AKAP13: variants seen among roughly 807,000 people sequenced by gnomAD.
The protein encoded by AKAP13 is A-kinase anchoring protein 13.
A neutral mutation model predicts 264.5 loss-of-function variants in AKAP13; 80 were observed. That is an observed-to-expected ratio of 0.30 (90% confidence interval 0.25 to 0.36). The LOEUF is 0.36. Among genes scored for constraint, AKAP13 ranks in the 10% least tolerant of loss-of-function variants. AKAP13 has a pLI of 1.00. For missense variants in AKAP13, 3,712 were observed against 3,435.2 expected (o/e 1.08, Z -2.01); for synonymous variants, 1,380 against 1,250.2 (o/e 1.10, Z -2.19).
intron 5 of AKAP13, among the ~76,000 whole-genome samples, chr15:85,544,457 T>G (rs1045023707): frequency 4.5e-4 from 68 of 152,274 alleles, no homozygotes; most frequent in African/African-American, 1.6e-3. Flanking sequence ...GTGAATAAAA[T>G]TTGAGAGCAG....
At chr15:85,636,986 A>G (rs928574998) in intron 8 of AKAP13, among the ~76,000 whole-genome samples, 7 of 152,206 alleles carry the variant, frequency 4.6e-5, no homozygotes. Context: ...TGGTTTTTCA[A>G]GTGCTAAACC....
At position 85,578,969 on chromosome 15, in the gene AKAP13, A is replaced by G; in HGVS notation, c.901A>G (p.Met301Val). ...LKQMDSLMPLMMTAQDPSSAP... is the reference protein window; with the variant it reads ...LKQMDSLMPLVMTAQDPSSAP... ...GCAGATGGACAGTCTTATGCCCTTA[A>G]TGATGACAGCACAGGATCCTTCCAG... Residue 301 changes from methionine to valine, a missense_variant, in exon 7 of 37, where the codon ATG becomes GTG. Around this residue, in one of 3 missense-constraint regions of AKAP13, gnomAD observed 2,759 missense variants for 2,411.7 expected, o/e 1.14. Coordinates refer to ENST00000394518, the MANE Select transcript of AKAP13 (RefSeq NM_007200.5). 1 of 1,614,022 alleles carries G rather than the reference A, an allele frequency of 6.2e-7. No homozygotes were observed. Among genetic ancestry groups the G allele is most frequent in the Non-Finnish European group, 8.5e-7 (1 of 1,180,014 alleles).
Position 85,407,905 on chromosome 15 carries a change from C to A in AKAP13, c.-12+27107C>A, listed in dbSNP as rs554580512. ...CAGACAAGTTAGAGGAGGCCATTAC[C>A]ATAGTTTTGGACAGATTGTGAGGGC... On this transcript the variant is annotated intron_variant, in intron 1 of 36. Coordinates refer to ENST00000394518, the MANE Select transcript of AKAP13 (RefSeq NM_007200.5). Among the ~76,000 whole-genome samples, 102 of 151,690 alleles carry A rather than the reference C, an allele frequency of 6.7e-4. 4 individuals are homozygous for A. Among genetic ancestry groups the A allele is most frequent in the African/African-American group, 2.4e-3 (98 of 41,034 alleles).
At chr15:85,589,735 CTT>C (rs1387804012) in intron 8 of AKAP13, among the ~76,000 whole-genome samples, 4 of 144,162 alleles carry the variant, frequency 2.8e-5, no homozygotes, top group Non-Finnish European at 6.0e-5. Context: ...AAAGCCTACT[CTT>C]AATTTTTTTT....
chr15:85,727,592 C>T lies in AKAP13; in HGVS notation c.7087+129C>T. 3 of 900,010 alleles carry T rather than the reference C, an allele frequency of 3.3e-6. No homozygotes were observed. The highest frequency in any genetic ancestry group is 5.1e-6 in the Non-Finnish European group (3 of 582,684). 55.8% of individuals were successfully genotyped at this position (900,010 alleles called of 1,614,324 possible). A position where few individuals can be genotyped will look rare whatever the true frequency, so the allele number is the denominator to read the frequency against. ...TGCCCCAGCAGGCACTTGAAAGCAG[C>T]AAAATGAATAGCTGTTAACAAAAGA... On this transcript the variant is annotated intron_variant, in intron 29 of 36. Coordinates refer to ENST00000394518, the MANE Select transcript of AKAP13 (RefSeq NM_007200.5). This position sits in a 1 kb window ranked among gnomAD's most constrained non-coding sequence, Gnocchi z 5.3.
In AKAP13 at chr15:85,745,506, G is replaced by C. The variant is rs1028232002; in HGVS notation, c.*829G>C. Reference sequence around the variant, plus strand: ...ATGTTTACCCACATGTTTTGGCCATGGATAAAGTGAAGAGGCCTACTCACC... The same window carrying C: ...ATGTTTACCCACATGTTTTGGCCATCGATAAAGTGAAGAGGCCTACTCACC... On this transcript the variant is annotated 3_prime_UTR_variant, in exon 37 of 37. Transcript: ENST00000394518. 2.6e-5 allele frequency: 4 copies of C among 152,198 alleles called. No homozygotes were observed. The highest frequency in any genetic ancestry group is 2.6e-4 in the Admixed American group (4 of 15,282). The allele number at this position is 152,198 out of a possible 1,614,324, so 9.4% of individuals were successfully genotyped here. A position where few individuals can be genotyped will look rare whatever the true frequency, so the allele number is the denominator to read the frequency against.
At chr15:85,489,303 G>T (rs2075660153) in intron 2 of AKAP13, among the ~76,000 whole-genome samples, 1 of 152,182 alleles carries the variant, frequency 6.6e-6, no homozygotes, top group Non-Finnish European at 1.5e-5. Flanking sequence ...GTATATGTTT[G>T]TGTTTAATTG....
intron 6 of AKAP13, among the ~76,000 whole-genome samples, chr15:85,576,421 C>G (rs1167490482): frequency 6.6e-6 from 1 of 152,188 alleles, no homozygotes; most frequent in East Asian, 1.9e-4. Flanking sequence ...ATAATCCACT[C>G]AAGTCTTCAA....
At chr15:85,453,662 G>A (rs1425284109) in intron 1 of AKAP13, among the ~76,000 whole-genome samples, 1 of 152,018 alleles carries the variant, frequency 6.6e-6, no homozygotes, top group Admixed American at 6.5e-5. Context: ...TGCTGTGCTG[G>A]GGGTCCACTT....
chr15:85,742,415 G>T lies in AKAP13; in HGVS notation c.8058+920G>T, dbSNP rs145360071. Among the ~76,000 whole-genome samples, 15 of 152,344 alleles carry T rather than the reference G, an allele frequency of 9.8e-5. No individual in the cohort carries two copies. The East Asian group carries it at 2.9e-3, about 29-fold the overall frequency. ...TGAGACAGCAGGAAATGGCTCTCAG[G>T]CCAGAGTTGCTGGAAGAACCCATGT... is the stretch of plus-strand genomic sequence containing the variant. On this transcript the variant is annotated intron_variant, in intron 35 of 36. Transcript: ENST00000394518.
At chr15:85,707,654 G>C (rs535438486) in intron 17 of AKAP13, among the ~76,000 whole-genome samples, 7 of 152,260 alleles carry the variant, frequency 4.6e-5, no homozygotes, top group Non-Finnish European at 1.0e-4. Context: ...AAAAGTTCCA[G>C]ACTTACTAGT....
At chr15:85,715,470 A>G (rs2086877201) in intron 19 of AKAP13, among the ~76,000 whole-genome samples, 1 of 152,182 alleles carries the variant, frequency 6.6e-6, no homozygotes, top group Admixed American at 6.5e-5. Context: ...GGATCGAAGA[A>G]TATAGGCATT....
intron 8 of AKAP13, among the ~76,000 whole-genome samples, chr15:85,614,261 C>T (rs117843607): frequency 0.013 from 2,021 of 152,254 alleles, 12 homozygotes; most frequent in Non-Finnish European, 0.022. Flanking sequence ...TGAAGCACGA[C>T]GGCCATCTTT....
intron 5 of AKAP13, among the ~76,000 whole-genome samples, chr15:85,554,176 C>G (rs2078058781): frequency 6.6e-6 from 1 of 152,166 alleles, no homozygotes; most frequent in Non-Finnish European, 1.5e-5. Context: ...TTAAAAATGG[C>G]AAAGCTGAAC....
Position 85,743,690 on chromosome 15 carries a change from A to T in AKAP13, c.8257A>T (p.Thr2753Ser). Reference sequence around the variant, plus strand: ...TCACATACTGAGTTCAACCAGCCAGACAAACAAAGGACCAGAAGGGCAGAG... The same window carrying T: ...TCACATACTGAGTTCAACCAGCCAGTCAAACAAAGGACCAGAAGGGCAGAG... ...PFHILSSTSQ[T>S]NKGPEGQSQA... Residue 2753 changes from threonine (T) to serine (S), a missense_variant, in exon 36 of 37, where the codon ACA (threonine) becomes TCA (serine). Physicochemically the swap from Thr to Ser is moderately conservative, Grantham distance 58 (BLOSUM62 1). This residue lies in a region of AKAP13 where 611 missense variants were observed against 539.3 expected (regional missense o/e 1.13). Transcript: ENST00000394518. 1 of 1,614,138 alleles carries T rather than the reference A, an allele frequency of 6.2e-7. No homozygotes were observed. Among genetic ancestry groups the T allele is most frequent in the Non-Finnish European group, 8.5e-7 (1 of 1,180,010 alleles).
intron 29 of AKAP13, among the ~76,000 whole-genome samples, chr15:85,729,976 GA>G (rs1359035673): frequency 6.6e-6 from 1 of 151,280 alleles, no homozygotes; most frequent in African/African-American, 2.4e-5. Flanking sequence ...AAAAAAAAAA[GA>G]AGACAGCTCA....
At chr15:85,678,643 CT>C (rs2084389832) in intron 14 of AKAP13, among the ~76,000 whole-genome samples, 2 of 152,136 alleles carry the variant, frequency 1.3e-5, no homozygotes, top group South Asian at 4.2e-4. Context: ...GGGCGGATCA[CT>C]TGAGGTCAGG....
At chr15:85,636,747 T>C (rs2082088191) in intron 8 of AKAP13, among the ~76,000 whole-genome samples, 1 of 152,144 alleles carries the variant, frequency 6.6e-6, no homozygotes, top group Admixed American at 6.6e-5. Context: ...CCCTAGTAGC[T>C]GGGATTACAG....
At chr15:85,541,308 T>C (rs1183579492) in intron 4 of AKAP13, among the ~76,000 whole-genome samples, 1 of 152,170 alleles carries the variant, frequency 6.6e-6, no homozygotes, top group African/African-American at 2.4e-5. Context: ...GGTGGATCGA[T>C]GGGGAAATAG....
Sources: gnomAD v4.1 joint callset for allele counts (sites outside exome capture counted in the v4.1 genomes callset) on GRCh38, gnomAD v4.1.1 for gene constraint, gnomAD v4.1.1 regional missense constraint, Gnocchi (gnomAD v3.1) non-coding constraint, MANE v1.5 for transcripts, NCBI Gene and HGNC (gene_info 2026-07-23, HGNC 2026-07-21) for gene names.